Variants in ZNF385D observed in about 807,000 individuals in gnomAD.
The protein encoded by ZNF385D is zinc finger protein 385D.
A neutral mutation model predicts 35.8 loss-of-function variants in ZNF385D; 15 were observed. That is an observed-to-expected ratio of 0.42 (90% confidence interval 0.28 to 0.64). The LOEUF (loss-of-function observed/expected upper bound fraction) is 0.64. Among genes scored for constraint, ZNF385D ranks in the 30% least tolerant of loss-of-function variants. ZNF385D has a pLI of 0.23. For synonymous variants in ZNF385D, 212 were observed against 186.8 expected, an observed-to-expected ratio of 1.13 and a Z score of -1.10; for missense variants, 474 against 494.6, an observed-to-expected ratio of 0.96 and a Z score of 0.39.
At chr3:22,351,229 T>C (rs1695902228) in intron 2 of ZNF385D, among the ~76,000 whole-genome samples, 1 of 152,156 alleles carries the variant, frequency 6.6e-6, no homozygotes, top group African/African-American at 2.4e-5. Context: ...ACAGTAATTT[T>C]AGCCAAGCTA....
At chr3:22,028,557 G>A (rs974824297) in intron 3 of ZNF385D, among the ~76,000 whole-genome samples, 21 of 152,308 alleles carry the variant, frequency 1.4e-4, no homozygotes, top group African/African-American at 4.6e-4. Context: ...CTTCCATCAC[G>A]GAAAGGGTAG....
At chr3:21,479,084 CA>C (rs1704430319) in intron 4 of ZNF385D, among the ~76,000 whole-genome samples, 1 of 150,262 alleles carries the variant, frequency 6.7e-6, no homozygotes, top group African/African-American at 2.4e-5. Context: ...TACATTATTT[CA>C]GATAAAAACA....
At chr3:22,030,286 T>TAACAAATAGG (rs1553591352) in intron 3 of ZNF385D, among the ~76,000 whole-genome samples, 9 of 100,274 alleles carry the variant, frequency 9.0e-5, no homozygotes, top group African/African-American at 3.6e-4. Context: ...TATATATATA[T>TAACAAATAGG]ATATATATAT....
Position 21,998,409 on chromosome 3 carries a change from C to T in ZNF385D, c.325+170408G>A, listed in dbSNP as rs544027095. Among the ~76,000 whole-genome samples, 6 of 152,296 alleles carry T rather than the reference C, an allele frequency of 3.9e-5. No individual in the cohort carries two copies. In the South Asian group the frequency reaches 1.0e-3, roughly 26 times the overall value. On this transcript the variant is annotated intron_variant, in intron 3 of 5. Coordinates refer to the ZNF385D transcript ENST00000494108. The stretch of plus-strand genomic sequence containing the variant: ...AGCTGAGCCCTAATTTTGGGGTACA[C>T]CTCCATCAAAATTCCATCTTTACTT...
intron 2 of ZNF385D, among the ~76,000 whole-genome samples, chr3:22,336,226 A>G (rs1034570835): frequency 6.6e-6 from 1 of 152,162 alleles, no homozygotes; most frequent in Non-Finnish European, 1.5e-5. Context: ...TTTTAAACAA[A>G]GCCGCATTCC....
intron 2 of ZNF385D, among the ~76,000 whole-genome samples, chr3:22,343,143 G>C (rs1023356209): frequency 6.6e-6 from 1 of 152,138 alleles, no homozygotes; most frequent in Non-Finnish European, 1.5e-5. Context: ...TTAAAGTGTA[G>C]TTACTAGACA....
intron 1 of ZNF385D, among the ~76,000 whole-genome samples, chr3:21,667,171 T>C (rs545084496): frequency 3.3e-5 from 5 of 152,358 alleles, no homozygotes; most frequent in African/African-American, 1.2e-4. Context: ...ATTTTTGTTG[T>C]TGCTTTTGAG....
chr3:22,098,163 A>G (rs563413887), intron 3 of ZNF385D, among the ~76,000 whole-genome samples: 5 of 152,186 alleles, frequency 3.3e-5, no homozygotes, highest in African/African-American at 1.2e-4. Flanking sequence ...GTTGAGTTCA[A>G]GATAGATTTA....
intron 1 of ZNF385D, among the ~76,000 whole-genome samples, chr3:21,723,132 G>A (rs574640970): frequency 6.6e-6 from 1 of 152,072 alleles, no homozygotes; most frequent in African/African-American, 2.4e-5. Context: ...TCCACTCAGA[G>A]ACCCCATCCA....
rs548440876 is a variant in ZNF385D, at chr3:21,717,599, G to C, written c.22+33296C>G. On this transcript the variant is annotated intron_variant, in intron 1 of 7. Coordinates refer to ENST00000281523, the MANE Select transcript of ZNF385D (RefSeq NM_024697.3). Reference sequence around the variant, plus strand: ...CACCCAAATCTCACATTAAATTGTAGCTCTCATAATTCCCACGTGGAGGGA... The same window carrying C: ...CACCCAAATCTCACATTAAATTGTACCTCTCATAATTCCCACGTGGAGGGA... Among the ~76,000 whole-genome samples the C allele has an allele frequency of 1.1e-3, 174 of 152,256 alleles. 1 individual carries two copies. Among genetic ancestry groups the C allele is most frequent in the South Asian group, 5.2e-3 (25 of 4,822 alleles).
At chr3:21,690,786 A>C (rs1480850614) in intron 1 of ZNF385D, among the ~76,000 whole-genome samples, 1 of 152,180 alleles carries the variant, frequency 6.6e-6, no homozygotes, top group African/African-American at 2.4e-5. Context: ...AACTCTGAAT[A>C]TTAGGCCTAG....
chr3:21,926,191 T>C (rs902007009), intron 3 of ZNF385D, among the ~76,000 whole-genome samples: 1 of 152,138 alleles, frequency 6.6e-6, no homozygotes, highest in Non-Finnish European at 1.5e-5. Flanking sequence ...TTTTGCAGGT[T>C]TGTTACATAG....
At chr3:21,581,853 C>T (rs1220262035) in intron 2 of ZNF385D, among the ~76,000 whole-genome samples, 1 of 152,108 alleles carries the variant, frequency 6.6e-6, no homozygotes, top group Non-Finnish European at 1.5e-5. Context: ...GGTACAGAGC[C>T]AGGGCCCCAA....
At chr3:22,186,108 T>G (rs1450313010) in intron 2 of ZNF385D, among the ~76,000 whole-genome samples, 1 of 152,184 alleles carries the variant, frequency 6.6e-6, no homozygotes, top group Non-Finnish European at 1.5e-5. Context: ...AGTTTTGCAT[T>G]CTGATTGCTT....
chr3:22,197,394 T>C (rs1696489907), intron 2 of ZNF385D, among the ~76,000 whole-genome samples: 1 of 152,098 alleles, frequency 6.6e-6, no homozygotes, highest in Non-Finnish European at 1.5e-5. Flanking sequence ...ACCCATGATT[T>C]GTTCCAGATA....
chr3:21,964,312 T>G (rs1576023525), intron 3 of ZNF385D, among the ~76,000 whole-genome samples: 1 of 139,734 alleles, frequency 7.2e-6, no homozygotes. Context: ...ATTTTTACAA[T>G]ACAAATGGAA....
At chr3:21,743,794 T>C (rs769743139) in intron 1 of ZNF385D, among the ~76,000 whole-genome samples, 1 of 152,228 alleles carries the variant, frequency 6.6e-6, no homozygotes, top group African/African-American at 2.4e-5. Context: ...ATAACACCGA[T>C]GCATGCCTTC....
At chr3:21,651,224 C>T (rs2065902884) in intron 2 of ZNF385D, among the ~76,000 whole-genome samples, 3 of 129,634 alleles carry the variant, frequency 2.3e-5, no homozygotes, top group African/African-American at 5.9e-5. Context: ...GGAGGTGGAG[C>T]TTGCAGTGAG....
Position 22,269,861 on chromosome 3 carries a change from T to G in ZNF385D, c.107-100826A>C, listed in dbSNP as rs141686572. On this transcript the variant is annotated intron_variant, in intron 2 of 5. Transcript: ENST00000494108. ...CTAATGAACCTTAAATGGCAAATAT[T>G]GGCTTGCTTTACCTTGTATTGTCTC... Among the ~76,000 whole-genome samples the G allele has an allele frequency of 4.2e-3, 635 of 151,980 alleles. 4 individuals carry two copies. Among genetic ancestry groups the G allele is most frequent in the African/African-American group, 0.015 (611 of 41,516 alleles).
Sources: gnomAD v4.1 joint callset for allele counts (sites outside exome capture counted in the v4.1 genomes callset) on GRCh38, gnomAD v4.1.1 for gene constraint, MANE v1.5 for transcripts, NCBI Gene and HGNC (gene_info 2026-07-23, HGNC 2026-07-21) for gene names.